The following ZNF713 variants were observed in gnomAD, a reference collection of about 807,000 sequenced individuals.
ZNF713 encodes zinc finger protein 713.
Under a neutral mutation model 28.7 loss-of-function variants are expected in ZNF713, and 21 were observed. The observed-to-expected ratio is 0.73, with a 90% confidence interval of 0.52 to 1.05. The LOEUF (loss-of-function observed/expected upper bound fraction) is 1.05. ZNF713 is among the 50% of genes least tolerant of loss of function. ZNF713 has a pLI of 0.00. For synonymous variants in ZNF713, 167 were observed against 178.0 expected (o/e 0.94, Z 0.49); for missense variants, 458 against 532.4 (o/e 0.86, Z 1.37).
At position 55,898,231 on chromosome 7, in the gene ZNF713, T is replaced by G. The variant is rs190483809; in HGVS notation, c.-582-8022T>G. ...CAAATGCAAAAGTAAACAAATAGGG[T>G]TGCGTCAATCTAAAAAGCTTTTACA... On this transcript the variant is annotated intron_variant, in intron 1 of 6. Coordinates refer to ENST00000429591, the MANE Select transcript of ZNF713 (RefSeq NM_182633.3). 3.9e-5 allele frequency among the ~76,000 whole-genome samples: 6 copies of G among 152,178 alleles called. No homozygotes were observed. In the East Asian group the frequency reaches 1.2e-3, roughly 29 times the overall value.
intron 1 of ZNF713, among the ~76,000 whole-genome samples, chr7:55,901,769 T>G (rs1255299263): frequency 6.6e-5 from 10 of 152,238 alleles, no homozygotes; most frequent in Non-Finnish European, 1.5e-4. Context: ...GGATTTAACC[T>G]TCATTAAACA....
At chr7:55,920,439 A>G (rs1029519305) in intron 4 of ZNF713, among the ~76,000 whole-genome samples, 1 of 152,256 alleles carries the variant, frequency 6.6e-6, no homozygotes, top group African/African-American at 2.4e-5. Flanking sequence ...TGGATTGGAT[A>G]GAAGATCAAA....
intron 4 of ZNF713, among the ~76,000 whole-genome samples, chr7:55,921,121 A>T (rs1785982588): frequency 6.6e-6 from 1 of 152,170 alleles, no homozygotes; most frequent in African/African-American, 2.4e-5. Flanking sequence ...AGCCTGCATG[A>T]CAGCATACCT....
At chr7:55,935,606 A>G (rs1733050704) in intron 6 of ZNF713, among the ~76,000 whole-genome samples, 1 of 152,144 alleles carries the variant, frequency 6.6e-6, no homozygotes, top group South Asian at 2.1e-4. Flanking sequence ...CTCCATGAGC[A>G]TAGGAAATGG....
At chr7:55,888,237 TATG>T (rs1195595534) in intron 1 of ZNF713, among the ~76,000 whole-genome samples, 2 of 152,196 alleles carry the variant, frequency 1.3e-5, no homozygotes, top group South Asian at 2.1e-4. Context: ...TTTCATTGAG[TATG>T]ATATTTGTGG....
chr7:55,895,801 C>T (rs1394030053), intron 1 of ZNF713, among the ~76,000 whole-genome samples: 3 of 152,134 alleles, frequency 2.0e-5, no homozygotes, highest in Non-Finnish European at 4.4e-5. Flanking sequence ...TACAAATTTT[C>T]ACTTTTCCTT....
chr7:55,909,676 G>A (rs543105071), intron 2 of ZNF713, among the ~76,000 whole-genome samples: 42 of 152,216 alleles, frequency 2.8e-4, no homozygotes, highest in Non-Finnish European at 5.7e-4. Flanking sequence ...ATGAGCATAG[G>A]ATGTTTTTTC....
intron 3 of ZNF713, 147 bp from the exon 4 acceptor site, chr7:55,912,488 A>G (rs1785802440): frequency 8.6e-6 from 5 of 580,404 alleles, no homozygotes; most frequent in South Asian, 2.5e-5. Context: ...CCTGAACATC[A>G]TAGAAGAGTA....
intron 4 of ZNF713, among the ~76,000 whole-genome samples, chr7:55,915,121 G>A (rs1192214893): frequency 1.3e-5 from 2 of 152,190 alleles, no homozygotes; most frequent in Non-Finnish European, 2.9e-5. Context: ...GTGAGCCGCC[G>A]CACCTGGCCC....
intron 4 of ZNF713, among the ~76,000 whole-genome samples, chr7:55,920,944 A>G (rs1384660908): frequency 6.6e-6 from 1 of 152,082 alleles, no homozygotes; most frequent in African/African-American, 2.4e-5. Flanking sequence ...TAATAGCTAG[A>G]AGAAGTCAAC....
At chr7:55,904,593 G>C (rs1785643359) in intron 1 of ZNF713, among the ~76,000 whole-genome samples, 1 of 151,260 alleles carries the variant, frequency 6.6e-6, no homozygotes. Context: ...AGACTATAGA[G>C]AACTGAGAAA....
At chr7:55,921,646 G>T (rs1785995613) in intron 4 of ZNF713, among the ~76,000 whole-genome samples, 2 of 152,224 alleles carry the variant, frequency 1.3e-5, no homozygotes, top group African/African-American at 4.8e-5. Flanking sequence ...GCCTGAAGAT[G>T]TGGTGGAATT....
At chr7:55,919,476 T>C (rs1785943452) in intron 4 of ZNF713, among the ~76,000 whole-genome samples, 1 of 127,464 alleles carries the variant, frequency 7.8e-6, no homozygotes, top group Admixed American at 8.2e-5. Flanking sequence ...CTGGATAAAT[T>C]GGTAAACACT....
chr7:55,912,569 A>G, intron 3 of ZNF713, 66 bp from the exon 4 acceptor site: 1 of 1,196,332 alleles, frequency 8.4e-7, no homozygotes. Flanking sequence ...TACACAAAGC[A>G]GAATCTCCAG....
In ZNF713 at chr7:55,921,846, A is replaced by G. The variant is rs117994314; in HGVS notation, c.88-1316A>G. Among the ~76,000 whole-genome samples the G allele has an allele frequency of 3.9e-4, 60 of 152,352 alleles. No individual in the cohort carries two copies. In the East Asian group the frequency reaches 9.3e-3, roughly 24 times the overall value. ...GAAGTTCTACTGTGGTAAAAATGCT[A>G]TAAAACAGCATCACATGCTACAGAG... On this transcript the variant is annotated intron_variant, in intron 4 of 6. Coordinates refer to ENST00000429591, the MANE Select transcript of ZNF713 (RefSeq NM_182633.3).
At chr7:55,938,943 A>C in intron 6 of ZNF713, 39 bp from the exon 7 acceptor site, 1 of 1,524,112 alleles carries the variant, frequency 6.6e-7, no homozygotes, top group Non-Finnish European at 8.8e-7. Context: ...ATAACATGAG[A>C]ATATTGGAAA....
intron 4 of ZNF713, among the ~76,000 whole-genome samples, chr7:55,918,689 T>C (rs1052873641): frequency 2.0e-5 from 3 of 152,158 alleles, no homozygotes; most frequent in Non-Finnish European, 4.4e-5. Flanking sequence ...TGGATAACAT[T>C]GTTACCTTCA....
chr7:55,901,145 AG>A (rs1785568434), intron 1 of ZNF713, among the ~76,000 whole-genome samples: 1 of 152,216 alleles, frequency 6.6e-6, no homozygotes, highest in South Asian at 2.1e-4. Context: ...AATTTACAAA[AG>A]AAAGAGGTTT....
chr7:55,914,455 G>A (rs189284265), intron 4 of ZNF713, among the ~76,000 whole-genome samples: 113 of 152,188 alleles, frequency 7.4e-4, no homozygotes, highest in Admixed American at 3.5e-3. Context: ...TCTCCCTGCC[G>A]AAGTGCTGGG....
Sources: allele counts gnomAD v4.1 joint callset (sites outside exome capture counted in the v4.1 genomes callset), GRCh38; gene constraint gnomAD v4.1.1; transcripts MANE v1.5; gene names NCBI Gene and HGNC (gene_info 2026-07-23, HGNC 2026-07-21).